Variants in USP47 observed in about 807,000 individuals in gnomAD.
USP47 encodes ubiquitin specific peptidase 47.
USP47 carries 35 observed loss-of-function variants against 165.1 expected under a neutral mutation model. The ratio of observed to expected loss-of-function variants is 0.21; its 90% CI spans 0.16 to 0.28. USP47 has a LOEUF of 0.28. USP47 is among the 10% of genes least tolerant of loss of function. The pLI is 1.00. For missense variants in USP47, 1,277 were observed against 1,607.4 expected (o/e 0.79, Z 3.52); for synonymous variants, 531 against 544.5 (o/e 0.98, Z 0.35).
chr11:11,887,259 C>T (rs1851220016), intron 3 of USP47, among the ~76,000 whole-genome samples: 1 of 151,938 alleles, frequency 6.6e-6, no homozygotes, highest in Non-Finnish European at 1.5e-5. Flanking sequence ...GGGCTAAGTG[C>T]CTTAATTAAA....
At chr11:11,890,852 C>A (rs1236697763) in intron 3 of USP47, among the ~76,000 whole-genome samples, 4 of 152,128 alleles carry the variant, frequency 2.6e-5, no homozygotes, top group Non-Finnish European at 4.4e-5. Context: ...AAGATCATGT[C>A]CTTTGCAGGG....
intron 4 of USP47, among the ~76,000 whole-genome samples, chr11:11,894,913 C>T (rs1851755517): frequency 1.3e-5 from 2 of 152,006 alleles, no homozygotes; most frequent in African/African-American, 4.8e-5. Context: ...CTTATCTTTC[C>T]TCTATATGTG....
chr11:11,846,306 C>T (rs1848423735), intron 1 of USP47, among the ~76,000 whole-genome samples: 1 of 152,078 alleles, frequency 6.6e-6, no homozygotes, highest in African/African-American at 2.4e-5. Flanking sequence ...GTGCATATTA[C>T]TGTATTCTGC....
chr11:11,942,187 C>A (rs1225631009), intron 19 of USP47, 148 bp from the exon 20 acceptor site: 4 of 944,086 alleles, frequency 4.2e-6, no homozygotes, highest in Non-Finnish European at 6.0e-6. Flanking sequence ...TATTCAGTCT[C>A]CAAAACAATA....
intron 7 of USP47, among the ~76,000 whole-genome samples, chr11:11,904,084 A>T (rs1024350317): frequency 6.6e-6 from 1 of 152,218 alleles, no homozygotes. Context: ...TTTTCAAAAA[A>T]TGGAATAGAA....
At chr11:11,917,775 TA>T (rs1853536485) in intron 8 of USP47, among the ~76,000 whole-genome samples, 1 of 152,034 alleles carries the variant, frequency 6.6e-6, no homozygotes, top group Admixed American at 6.6e-5. Flanking sequence ...AGGAACACAA[TA>T]AATATTACCT....
intron 8 of USP47, 103 bp from the exon 9 acceptor site, chr11:11,920,053 C>A: frequency 1.2e-6 from 1 of 810,062 alleles, no homozygotes; most frequent in Non-Finnish European, 1.7e-6. Context: ...AAATTTCTAA[C>A]CATTCTACTT....
At chr11:11,903,029 A>G (rs1011547638) in intron 6 of USP47, among the ~76,000 whole-genome samples, 169 bp downstream of exon 6, 3 of 152,194 alleles carry the variant, frequency 2.0e-5, no homozygotes, top group Admixed American at 1.3e-4. Context: ...AAAAATAACA[A>G]ACATGACAAA....
intron 25 of USP47, among the ~76,000 whole-genome samples, chr11:11,953,997 C>T (rs1177191870): frequency 6.6e-6 from 1 of 152,080 alleles, no homozygotes; most frequent in East Asian, 1.9e-4. Context: ...CTCCTGTAAT[C>T]CCAGCACTTT....
chr11:11,944,931 C>G (rs918144656), intron 20 of USP47, among the ~76,000 whole-genome samples: 2 of 152,126 alleles, frequency 1.3e-5, no homozygotes, highest in Non-Finnish European at 2.9e-5. Context: ...GATGGGAATA[C>G]TTAGAATTAT....
chr11:11,931,321 G>GT (rs1564885364), intron 14 of USP47, among the ~76,000 whole-genome samples: 2 of 151,866 alleles, frequency 1.3e-5, no homozygotes, highest in African/African-American at 4.8e-5. Flanking sequence ...AATTCAATTG[G>GT]TACAAGGCTT....
chr11:11,924,528 C>T (rs188296876), intron 11 of USP47, among the ~76,000 whole-genome samples: 1 of 152,210 alleles, frequency 6.6e-6, no homozygotes, highest in Admixed American at 6.5e-5. Flanking sequence ...ATTGTGGAAA[C>T]TTGGTATTGT....
At chr11:11,896,217 CTCT>C (rs1590327123) in intron 4 of USP47, among the ~76,000 whole-genome samples, 3 of 152,188 alleles carry the variant, frequency 2.0e-5, no homozygotes, top group Non-Finnish European at 4.4e-5. Flanking sequence ...TGCCATTACT[CTCT>C]TCTTCTCTTC....
At chr11:11,951,713 T>C (rs1856238496) in intron 24 of USP47, 1 of 152,192 alleles carries the variant, frequency 6.6e-6, no homozygotes, top group Non-Finnish European at 1.5e-5. Context: ...TCAGGTCTAA[T>C]TCAACCATAA....
At chr11:11,918,156 C>T (rs1853565794) in intron 8 of USP47, among the ~76,000 whole-genome samples, 1 of 152,104 alleles carries the variant, frequency 6.6e-6, no homozygotes, top group Non-Finnish European at 1.5e-5. Context: ...CTTAGAAGGG[C>T]ACATCTTTGC....
intron 11 of USP47, among the ~76,000 whole-genome samples, chr11:11,925,330 G>C (rs1353454295): frequency 7.9e-5 from 12 of 151,936 alleles, no homozygotes; most frequent in Non-Finnish European, 1.5e-5. Flanking sequence ...TGATGGTCTT[G>C]ATCTCCTGAC....
At chr11:11,900,747 C>T (rs1442318266) in intron 5 of USP47, among the ~76,000 whole-genome samples, 3 of 152,092 alleles carry the variant, frequency 2.0e-5, no homozygotes, top group Admixed American at 2.0e-4. Flanking sequence ...CACATATGCA[C>T]CAAAGTTTCT....
At chr11:11,901,446 A>G (rs954860961) in intron 5 of USP47, among the ~76,000 whole-genome samples, 1 of 152,146 alleles carries the variant, frequency 6.6e-6, no homozygotes, top group Non-Finnish European at 1.5e-5. Flanking sequence ...TGGTGGGTAC[A>G]TTACCAACTT....
At chr11:11,951,821 G>A (rs546960571) in intron 24 of USP47, 11 of 152,246 alleles carry the variant, frequency 7.2e-5, no homozygotes, top group African/African-American at 2.2e-4. Flanking sequence ...AAGTGCTCCA[G>A]ATTGTGATTT....
Sources: gnomAD v4.1 joint callset for allele counts (sites outside exome capture counted in the v4.1 genomes callset) on GRCh38, gnomAD v4.1.1 for gene constraint, MANE v1.5 for transcripts, NCBI Gene and HGNC (gene_info 2026-07-23, HGNC 2026-07-21) for gene names.